Variants in SEC23IP observed in about 807,000 individuals in gnomAD.
The protein encoded by SEC23IP is SEC23-interacting protein.
SEC23IP carries 70 observed loss-of-function variants against 113.4 expected under a neutral mutation model. The ratio of observed to expected loss-of-function variants is 0.62; its 90% CI spans 0.51 to 0.75. SEC23IP has a LOEUF of 0.75. SEC23IP is among the 30% of genes least tolerant of loss of function. The pLI, the probability that SEC23IP is intolerant of heterozygous loss-of-function variation, is 0.00. For synonymous variants in SEC23IP, 398 were observed against 421.0 expected (o/e 0.95, Z 0.67); for missense variants, 1,160 against 1,204.9 (o/e 0.96, Z 0.55).
At position 119,931,997 on chromosome 10, in the gene SEC23IP, C is replaced by T. The variant is rs539996497; in HGVS notation, c.2573-136C>T. ...ACATGCTGAGGGTTCTTGGCTGAGG[C>T]ACTCCGTATATTTGACATTGAAAAG... On this transcript the variant is annotated intron_variant, in intron 15 of 18. Coordinates refer to ENST00000369075, the MANE Select transcript of SEC23IP (RefSeq NM_007190.4). The T allele has an allele frequency of 3.5e-5, 19 of 537,284 alleles. 1 individual carries two copies. In the South Asian group the frequency reaches 4.7e-4, roughly 13 times the overall value. The allele number at this position is 537,284 out of a possible 1,614,324, so 33.3% of individuals were successfully genotyped here.
chr10:119,908,120 G>T (rs938314402), intron 4 of SEC23IP, among the ~76,000 whole-genome samples: 4 of 152,106 alleles, frequency 2.6e-5, no homozygotes, highest in African/African-American at 9.7e-5. Context: ...AGGGATTTTG[G>T]TATCTTTGAG....
intron 2 of SEC23IP, among the ~76,000 whole-genome samples, chr10:119,899,406 A>T (rs920801076): frequency 6.6e-6 from 1 of 152,222 alleles, no homozygotes; most frequent in Non-Finnish European, 1.5e-5. Context: ...GTCAAACTCT[A>T]TCTAGGGAGA....
chr10:119,903,045 T>G (rs760297538), intron 3 of SEC23IP, 36 bp downstream of exon 3: 16 of 1,515,018 alleles, frequency 1.1e-5, no homozygotes, highest in African/African-American at 1.4e-5. Flanking sequence ...TATCTGATTT[T>G]AGGAAGAGAA....
chr10:119,919,486 C>G lies in SEC23IP; in HGVS notation c.1915C>G (p.Leu639Val). The change falls in exon 11 of 19, where the codon CTT becomes GTT. Residue 639 changes from leucine to valine, a missense_variant. Leu to Val is a conservative substitution (Grantham distance 32). Coordinates refer to ENST00000369075, the MANE Select transcript of SEC23IP (RefSeq NM_007190.4). ...PKLTLDESYD[L>V]VVENKEVLTL... ...GCTGACTTTGGATGAGTCGTATGAC[C>G]TTGTTGTTGAAAATAAAGAAGTCCT... The G allele has an allele frequency of 6.2e-7, 1 of 1,612,740 alleles. No homozygotes were observed. Among genetic ancestry groups the G allele is most frequent in the East Asian group, 2.2e-5 (1 of 44,860 alleles).
intron 4 of SEC23IP, among the ~76,000 whole-genome samples, chr10:119,906,249 T>C (rs1233614304): frequency 6.8e-6 from 1 of 146,856 alleles, no homozygotes; most frequent in African/African-American, 2.5e-5. Flanking sequence ...GTCACAGCAC[T>C]TTAGCCTGGG....
At chr10:119,909,447 G>A (rs2253787) in intron 5 of SEC23IP, among the ~76,000 whole-genome samples, 49,468 of 151,958 alleles carry the variant, frequency 0.33, 8,424 homozygotes, top group East Asian at 0.55. Context: ...TTAGCTGGGT[G>A]TAGTGGCACA....
At chr10:119,926,940 G>A (rs1356562724) in intron 13 of SEC23IP, among the ~76,000 whole-genome samples, 2 of 152,120 alleles carry the variant, frequency 1.3e-5, no homozygotes, top group Middle Eastern at 3.2e-3. Context: ...AGGCTGGAGT[G>A]CAGTGATGCA....
intron 1 of SEC23IP, among the ~76,000 whole-genome samples, chr10:119,897,992 G>A (rs1206768481): frequency 5.4e-5 from 8 of 148,216 alleles, no homozygotes; most frequent in African/African-American, 1.5e-4. Context: ...GCGACAGAGC[G>A]AGACGCCGTC....
chr10:119,933,266 C>T, intron 17 of SEC23IP, 99 bp downstream of exon 17: 3 of 940,440 alleles, frequency 3.2e-6, no homozygotes, highest in Non-Finnish European at 4.9e-6. Flanking sequence ...ATACAATGTA[C>T]TATGAATATT....
chr10:119,913,491 T>TA (rs1336667847), intron 6 of SEC23IP, among the ~76,000 whole-genome samples: 8 of 151,018 alleles, frequency 5.3e-5, no homozygotes, highest in Non-Finnish European at 2.9e-5. Flanking sequence ...CCGTTTTCCA[T>TA]AAAGCTTTTT....
At chr10:119,925,560 T>C (rs930367007) in intron 12 of SEC23IP, among the ~76,000 whole-genome samples, 5 of 152,190 alleles carry the variant, frequency 3.3e-5, no homozygotes, top group Non-Finnish European at 5.9e-5. Context: ...AAAATTTTTT[T>C]GAGACAGGTC....
At chr10:119,916,065 G>A (rs980602595) in intron 8 of SEC23IP, among the ~76,000 whole-genome samples, 176 bp downstream of exon 8, 6 of 152,164 alleles carry the variant, frequency 3.9e-5, no homozygotes, top group Non-Finnish European at 7.4e-5. Context: ...CTCTCTGTGT[G>A]TGTGCATTCC....
intron 13 of SEC23IP, 140 bp downstream of exon 13, chr10:119,926,367 ATTT>A: frequency 1.1e-6 from 1 of 875,190 alleles, no homozygotes; most frequent in Non-Finnish European, 1.7e-6. Context: ...CTTAGTGAAA[ATTT>A]TTTTCTTCTT....
intron 15 of SEC23IP, among the ~76,000 whole-genome samples, chr10:119,931,697 C>T (rs888483324): frequency 2.6e-5 from 4 of 151,764 alleles, no homozygotes; most frequent in African/African-American, 7.3e-5. Flanking sequence ...GGACTACAGG[C>T]GCCTGCCACC....
intron 12 of SEC23IP, 152 bp downstream of exon 12, chr10:119,921,136 G>C (rs1253772320): frequency 1.9e-6 from 1 of 538,512 alleles, no homozygotes; most frequent in South Asian, 2.8e-5. Context: ...CCCAGACTTA[G>C]GAGTCAGAGT....
intron 17 of SEC23IP, 52 bp from the exon 18 acceptor site, chr10:119,933,634 A>C (rs569848903): frequency 3.0e-6 from 3 of 988,898 alleles, no homozygotes; most frequent in African/African-American, 1.6e-5. Context: ...TGTGCATAGA[A>C]GTTAATTTCT....
At chr10:119,909,549 C>T (rs1009314062) in intron 5 of SEC23IP, among the ~76,000 whole-genome samples, 2 of 152,126 alleles carry the variant, frequency 1.3e-5, no homozygotes, top group Non-Finnish European at 2.9e-5. Flanking sequence ...TTGCTCCCCG[C>T]TGCACTCTAG....
chr10:119,920,157 C>CT (rs1403717104), intron 11 of SEC23IP, among the ~76,000 whole-genome samples: 1 of 152,034 alleles, frequency 6.6e-6, no homozygotes, highest in African/African-American at 2.4e-5. Flanking sequence ...GTTGGTCAGA[C>CT]TGTAAAATAT....
intron 15 of SEC23IP, 150 bp downstream of exon 15, chr10:119,930,581 A>C: frequency 2.1e-6 from 1 of 475,888 alleles, no homozygotes; most frequent in Non-Finnish European, 3.8e-6. Flanking sequence ...AATTTGGAAG[A>C]GCTTTAACAA....
Sources: allele counts gnomAD v4.1 joint callset (sites outside exome capture counted in the v4.1 genomes callset), GRCh38; gene constraint gnomAD v4.1.1; transcripts MANE v1.5; gene names NCBI Gene and HGNC (gene_info 2026-07-23, HGNC 2026-07-21).